Variants in ONECUT1 observed in about 807,000 individuals in gnomAD.
ONECUT1 encodes the protein hepatocyte nuclear factor 6.
Under a neutral mutation model 25.6 loss-of-function variants are expected in ONECUT1, and 12 were observed. That is an observed-to-expected ratio of 0.47 (90% CI 0.30 to 0.76). The LOEUF (loss-of-function observed/expected upper bound fraction) is 0.76, where lower values mean the gene tolerates loss of function less well. Among genes scored for constraint, ONECUT1 ranks in the 30% least tolerant of loss-of-function variants. ONECUT1 has a pLI of 0.07. For missense variants in ONECUT1, 620 were observed against 651.2 expected, an observed-to-expected ratio of 0.95 and a Z score of 0.52; for synonymous variants, 285 against 270.2, an observed-to-expected ratio of 1.05 and a Z score of -0.54.
Position 52,789,080 on chromosome 15 carries a change from G to A in ONECUT1, c.805C>T (p.Arg269Trp), listed in dbSNP as rs139802359. The A allele has an allele frequency of 6.2e-7, 1 of 1,601,942 alleles. No individual in the cohort carries two copies. Among genetic ancestry groups the A allele is most frequent in the Non-Finnish European group, 8.5e-7 (1 of 1,179,968 alleles). The change falls in exon 1 of 2, where the codon CGG (arginine) becomes TGG (tryptophan). Residue 269 changes from arginine (R) to tryptophan (W), a missense_variant. This residue lies in a region of ONECUT1 where 440 missense variants were observed against 404.9 expected (regional missense o/e 1.09). Coordinates refer to ENST00000305901, the MANE Select transcript of ONECUT1 (RefSeq NM_004498.4). The surrounding 1 kb of genome is among the most constrained non-coding windows in gnomAD (Gnocchi z 4.1). ...QGHGQLLGTAREPNPSVTGAQ... is the reference protein window; with the variant it reads ...QGHGQLLGTAWEPNPSVTGAQ... ...CCGGTCACCGAAGGGTTGGGCTCCCGGGCTGTGCCCAGGAGTTGCCCGTGG... is the reference window on the plus strand; with the variant it reads ...CCGGTCACCGAAGGGTTGGGCTCCCAGGCTGTGCCCAGGAGTTGCCCGTGG...
intron 1 of ONECUT1, among the ~76,000 whole-genome samples, chr15:52,777,913 A>C (rs1448244924): frequency 6.6e-6 from 1 of 152,054 alleles, no homozygotes; most frequent in African/African-American, 2.4e-5. Context: ...TCTTTTACTT[A>C]TTTTATCCTC....
chr15:52,764,690 C>T (rs919749305), intron 1 of ONECUT1, among the ~76,000 whole-genome samples: 1 of 152,168 alleles, frequency 6.6e-6, no homozygotes, highest in Non-Finnish European at 1.5e-5. Context: ...GCTGAGATGT[C>T]CAGGACACCA....
At position 52,757,738 on chromosome 15, in the gene ONECUT1, C is replaced by G; in HGVS notation, c.1215G>C (p.Lys405Asn). 5.0e-6 allele frequency: 8 copies of G among 1,614,106 alleles called. No homozygotes were observed. The highest frequency in any genetic ancestry group is 6.8e-6 in the Non-Finnish European group (8 of 1,180,028). ...ATTCTTTGGATGGACGCTTATTTTCCTTGAATATTGCATGTAGAGTTCGAC... is the reference window on the plus strand; with the variant it reads ...ATTCTTTGGATGGACGCTTATTTTCGTTGAATATTGCATGTAGAGTTCGAC... The part of the protein sequence containing the change: ...VQRRTLHAIF[K>N]ENKRPSKELQ... The change falls in exon 2 of 2, where the codon AAG becomes AAC. Residue 405 changes from lysine (K) to asparagine (N), a missense_variant. By Grantham distance (94) the Lys-to-Asn change is moderately conservative. Coordinates refer to ENST00000305901, the MANE Select transcript of ONECUT1 (RefSeq NM_004498.4).
chr15:52,771,364 C>T (rs184062866), intron 1 of ONECUT1, among the ~76,000 whole-genome samples: 149 of 151,262 alleles, frequency 9.9e-4, no homozygotes, highest in African/African-American at 3.4e-3. Context: ...ACTATTCATC[C>T]GATCTTACAA....
In ONECUT1 at chr15:52,788,021, G is replaced by C. The variant is rs2083888223; in HGVS notation, c.1105+759C>G. 6.6e-6 allele frequency: 1 copy of C among 152,234 alleles called. No individual in the cohort carries two copies. Among genetic ancestry groups the C allele is most frequent in the Non-Finnish European group, 1.5e-5 (1 of 68,088 alleles). 9.4% of individuals were successfully genotyped at this position (152,234 alleles called of 1,614,324 possible). On this transcript the variant is annotated intron_variant, in intron 1 of 1. Transcript: ENST00000305901. The surrounding 1 kb of genome is among the most constrained non-coding windows in gnomAD (Gnocchi z 4.3). ...GGATTCAGACGAAAATCGCGAAGAGGAATAATAAAACAAAATGCAAAGTCC... is the reference window on the plus strand; with the variant it reads ...GGATTCAGACGAAAATCGCGAAGAGCAATAATAAAACAAAATGCAAAGTCC...
At chr15:52,780,067 C>T (rs547646466) in intron 1 of ONECUT1, among the ~76,000 whole-genome samples, 2 of 152,306 alleles carry the variant, frequency 1.3e-5, no homozygotes, top group East Asian at 3.9e-4. Context: ...CCTCCCTATC[C>T]CTTCCCATCT....
In ONECUT1 at chr15:52,757,533, G is replaced by A. The variant is rs2083680317; in HGVS notation, c.*22C>T. 1.9e-6 allele frequency: 3 copies of A among 1,582,496 alleles called. No individual in the cohort carries two copies. Among genetic ancestry groups the A allele is most frequent in the Non-Finnish European group, 2.6e-6 (3 of 1,166,228 alleles). On this transcript the variant is annotated 3_prime_UTR_variant, in exon 2 of 2. Transcript: ENST00000305901. ...TTTAATTTAAAGCTTTTCCACCGAG[G>A]TTTTAGTTTGTGGTTCTTCCTTCAT...
At position 52,774,079 on chromosome 15, in the gene ONECUT1, A is replaced by C. The variant is rs867270036; in HGVS notation, c.1105+14701T>G. ...GGATTTTTTAGTTTGAAAAGTTACA[A>C]AGTAGTAGTATGTACCATCCCATAG... On this transcript the variant is annotated intron_variant, in intron 1 of 1. Transcript: ENST00000305901. 6.0e-5 allele frequency among the ~76,000 whole-genome samples: 9 copies of C among 150,946 alleles called. No homozygotes were observed. In the South Asian group the frequency reaches 1.9e-3, roughly 32 times the overall value.
At chr15:52,774,658 A>T (rs2141455775) in intron 1 of ONECUT1, among the ~76,000 whole-genome samples, 1 of 152,354 alleles carries the variant, frequency 6.6e-6, no homozygotes, top group Admixed American at 6.5e-5. Flanking sequence ...ATAAGATACA[A>T]GGTGCTTGAA....
chr15:52,775,666 T>C (rs890223228), intron 1 of ONECUT1, among the ~76,000 whole-genome samples: 1 of 152,220 alleles, frequency 6.6e-6, no homozygotes, highest in African/African-American at 2.4e-5. Flanking sequence ...ATTTAGTATA[T>C]GTTCAAAATA....
At chr15:52,763,926 A>G (rs1249490781) in intron 1 of ONECUT1, among the ~76,000 whole-genome samples, 2 of 152,234 alleles carry the variant, frequency 1.3e-5, no homozygotes, top group Non-Finnish European at 2.9e-5. Context: ...TTATTCATTC[A>G]GGACAGATGG....
chr15:52,784,897 C>G lies in ONECUT1; in HGVS notation c.1105+3883G>C, dbSNP rs969615061. ...TCCCAGCTGGCGGCGCCCCTCGCCC[C>G]GGGCTCAGAGGCGGACACGGTCGGT... is the stretch of plus-strand genomic sequence containing the variant. On this transcript the variant is annotated intron_variant, in intron 1 of 1. Transcript: ENST00000305901. The surrounding 1 kb of genome is among the most constrained non-coding windows in gnomAD (Gnocchi z 5.0). 6.6e-6 allele frequency among the ~76,000 whole-genome samples: 1 copy of G among 152,236 alleles called. No homozygotes were observed. The highest frequency in any genetic ancestry group is 1.5e-5 in the Non-Finnish European group (1 of 68,042).
At chr15:52,763,769 T>C (rs540592308) in intron 1 of ONECUT1, among the ~76,000 whole-genome samples, 1 of 152,334 alleles carries the variant, frequency 6.6e-6, no homozygotes, top group East Asian at 1.9e-4. Context: ...CCTGTGCTGG[T>C]CTGTGAACCA....
intron 1 of ONECUT1, among the ~76,000 whole-genome samples, chr15:52,766,682 T>A (rs1189114075): frequency 6.6e-6 from 1 of 152,168 alleles, no homozygotes; most frequent in African/African-American, 2.4e-5. Flanking sequence ...GATAGTTGTC[T>A]CCTTGTGTGT....
rs1289874009 is a variant in ONECUT1 at position 52,788,173 on chromosome 15, C to G, written c.1105+607G>C. Reference sequence around the variant, plus strand: ...ATTCCATGCGCAGAGAGCGTCCTAACCCTTACAACTCGTCTGTGCTACACA... The same window carrying G: ...ATTCCATGCGCAGAGAGCGTCCTAAGCCTTACAACTCGTCTGTGCTACACA... On this transcript the variant is annotated intron_variant, in intron 1 of 1. Coordinates refer to ENST00000305901, the MANE Select transcript of ONECUT1 (RefSeq NM_004498.4). This position sits in a 1 kb window ranked among gnomAD's most constrained non-coding sequence, Gnocchi z 4.3. 1 of 153,628 alleles carries G rather than the reference C, an allele frequency of 6.5e-6. No individual in the cohort carries two copies. Among genetic ancestry groups the G allele is most frequent in the South Asian group, 2.1e-4 (1 of 4,866 alleles). 9.5% of individuals were successfully genotyped at this position (153,628 alleles called of 1,614,324 possible). A position where few individuals can be genotyped will look rare whatever the true frequency, so the allele number is the denominator to read the frequency against.
Position 52,789,914 on chromosome 15 carries a change from A to G in ONECUT1, c.-30T>C. On this transcript the variant is annotated 5_prime_UTR_variant, in exon 1 of 2. Coordinates refer to ENST00000305901, the MANE Select transcript of ONECUT1 (RefSeq NM_004498.4). The surrounding 1 kb of genome is among the most constrained non-coding windows in gnomAD (Gnocchi z 4.1). Reference sequence around the variant, plus strand: ...ATCCGGGCGAGCAGGCGGCGGACACAACATCGATGTGGCCAGGCAGAGGCG... The same window carrying G: ...ATCCGGGCGAGCAGGCGGCGGACACGACATCGATGTGGCCAGGCAGAGGCG... 6.7e-7 allele frequency: 1 copy of G among 1,501,850 alleles called. No individual in the cohort carries two copies. Among genetic ancestry groups the G allele is most frequent in the Non-Finnish European group, 8.8e-7 (1 of 1,138,498 alleles). The allele number at this position is 1,501,850 out of a possible 1,614,324, so 93.0% of individuals were successfully genotyped here. A position where few individuals can be genotyped will look rare whatever the true frequency, so the allele number is the denominator to read the frequency against.
At chr15:52,781,883 G>C (rs16965168) in intron 1 of ONECUT1, among the ~76,000 whole-genome samples, 3,197 of 152,258 alleles carry the variant, frequency 0.021, 106 homozygotes, top group African/African-American at 0.074. Flanking sequence ...TCTATGTTCC[G>C]ATCACAGTAC....
rs780047033 is a variant in ONECUT1 at position 52,788,523 on chromosome 15, A to C, written c.1105+257T>G. On this transcript the variant is annotated intron_variant, in intron 1 of 1. Coordinates refer to ENST00000305901, the MANE Select transcript of ONECUT1 (RefSeq NM_004498.4). This position sits in a 1 kb window ranked among gnomAD's most constrained non-coding sequence, Gnocchi z 4.3. ...AGCTTCCCTCGCTGTCCCTGAGCGC[A>C]AATGAGCCTCTTCAGTCGCCGAGGC... is the stretch of plus-strand genomic sequence containing the variant. The C allele has an allele frequency of 8.2e-5, 39 of 475,820 alleles. No homozygotes were observed. Among genetic ancestry groups the C allele is most frequent in the African/African-American group, 6.5e-4 (34 of 52,486 alleles). 29.5% of individuals were successfully genotyped at this position (475,820 alleles called of 1,614,324 possible).
chr15:52,788,632 G>T lies in ONECUT1; in HGVS notation c.1105+148C>A. 1.2e-6 allele frequency: 1 copy of T among 833,078 alleles called. No homozygotes were observed. Among genetic ancestry groups the T allele is most frequent in the Non-Finnish European group, 1.8e-6 (1 of 545,988 alleles). The allele number at this position is 833,078 out of a possible 1,614,324, so 51.6% of individuals were successfully genotyped here. On this transcript the variant is annotated intron_variant, in intron 1 of 1. Coordinates refer to ENST00000305901, the MANE Select transcript of ONECUT1 (RefSeq NM_004498.4). This position sits in a 1 kb window ranked among gnomAD's most constrained non-coding sequence, Gnocchi z 4.3. ...AATTTGCTCCCACAGCCCTGTGCTG[G>T]CCCTTCCAGGCACAGGGAGTCCCCC...
Sources: allele counts gnomAD v4.1 joint callset (sites outside exome capture counted in the v4.1 genomes callset), GRCh38; gene constraint gnomAD v4.1.1; regional missense constraint gnomAD v4.1.1; non-coding constraint Gnocchi (gnomAD v3.1); transcripts MANE v1.5; gene names NCBI Gene and HGNC (gene_info 2026-07-23, HGNC 2026-07-21).